PRTFDC1: variants seen among roughly 807,000 people sequenced by gnomAD.
The protein encoded by PRTFDC1 is phosphoribosyl transferase domain containing 1.
In PRTFDC1, 38 loss-of-function variants were observed where a neutral mutation model predicts 34.6. The observed-to-expected ratio is 1.10, with a 90% CI of 0.85 to 1.44. The LOEUF is 1.44. PRTFDC1 is among the 40% of genes most tolerant of loss of function. The pLI, the probability that PRTFDC1 is intolerant of heterozygous loss-of-function variation, is 0.00. For missense variants in PRTFDC1, 270 were observed against 283.0 expected (o/e 0.95, Z 0.33); for synonymous variants, 93 against 98.1 (o/e 0.95, Z 0.31).
chr10:24,942,062 CATTGTT>C (rs1849167067), intron 2 of PRTFDC1, among the ~76,000 whole-genome samples: 1 of 152,172 alleles, frequency 6.6e-6, no homozygotes, highest in African/African-American at 2.4e-5. Flanking sequence ...CATCTTAGGA[CATTGTT>C]ATTTTGAGGC....
intron 1 of PRTFDC1, among the ~76,000 whole-genome samples, chr10:24,947,273 C>T (rs182718141): frequency 4.7e-4 from 71 of 152,230 alleles, no homozygotes; most frequent in African/African-American, 1.6e-3. Context: ...CGATTCAAGA[C>T]GATGGAAATA....
intron 3 of PRTFDC1, among the ~76,000 whole-genome samples, chr10:24,916,115 C>G (rs1848691433): frequency 6.6e-6 from 1 of 152,158 alleles, no homozygotes; most frequent in Admixed American, 6.5e-5. Context: ...AGAAACCTTA[C>G]AGCCATGTCA....
intron 3 of PRTFDC1, among the ~76,000 whole-genome samples, chr10:24,934,062 G>T (rs1849009764): frequency 6.6e-6 from 1 of 152,090 alleles, no homozygotes; most frequent in African/African-American, 2.4e-5. Flanking sequence ...CAAGGGAAGT[G>T]AAGTCATAAG....
intron 5 of PRTFDC1, among the ~76,000 whole-genome samples, chr10:24,857,572 G>A (rs951581419): frequency 3.3e-5 from 5 of 152,172 alleles, no homozygotes; most frequent in African/African-American, 7.2e-5. Flanking sequence ...GGGCAGCGGC[G>A]ATTTATTGTC....
intron 1 of PRTFDC1, among the ~76,000 whole-genome samples, chr10:24,947,108 C>A (rs1849262815): frequency 6.6e-6 from 1 of 152,164 alleles, no homozygotes; most frequent in Non-Finnish European, 1.5e-5. Flanking sequence ...TCACTGCCCT[C>A]CAGCCTGGGT....
intron 3 of PRTFDC1, among the ~76,000 whole-genome samples, chr10:24,872,804 A>T (rs373234970): frequency 1.7e-4 from 20 of 119,436 alleles, no homozygotes; most frequent in East Asian, 9.6e-4. Flanking sequence ...ATATATATAT[A>T]TATTTTTTTT....
intron 3 of PRTFDC1, among the ~76,000 whole-genome samples, chr10:24,926,179 C>T (rs989960086): frequency 2.0e-4 from 30 of 152,178 alleles, no homozygotes; most frequent in African/African-American, 7.0e-4. Context: ...CCAGCTAACC[C>T]CTCTGGCCTC....
rs112417073 is a variant in PRTFDC1, at chr10:24,895,328, T to C, written c.340-23265A>G. On this transcript the variant is annotated intron_variant, in intron 3 of 8. Transcript: ENST00000320152. ...GTGCAATGGCATGATCTTGGCTCAC[T>C]GCAACCTCTGCCCCCTGGGTTCAAG... Among the ~76,000 whole-genome samples the C allele has an allele frequency of 5.5e-3, 749 of 136,362 alleles. 6 individuals are homozygous for C. Among genetic ancestry groups the C allele is most frequent in the African/African-American group, 0.018 (694 of 37,666 alleles). The allele number at this position is 136,362 out of a possible 152,430, so 89.5% of individuals were successfully genotyped here.
intron 3 of PRTFDC1, among the ~76,000 whole-genome samples, chr10:24,874,685 G>A (rs1244912215): frequency 6.6e-6 from 1 of 152,154 alleles, no homozygotes; most frequent in East Asian, 1.9e-4. Flanking sequence ...TACCAAGCAA[G>A]TGTTACTTAA....
intron 3 of PRTFDC1, among the ~76,000 whole-genome samples, chr10:24,872,303 G>C (rs1847884355): frequency 6.6e-6 from 1 of 152,130 alleles, no homozygotes; most frequent in African/African-American, 2.4e-5. Context: ...GTGGGAGAGA[G>C]GAGAGAGGAC....
chr10:24,867,352 C>T (rs963331802), intron 4 of PRTFDC1, among the ~76,000 whole-genome samples: 5 of 152,150 alleles, frequency 3.3e-5, no homozygotes, highest in Non-Finnish European at 1.5e-5. Flanking sequence ...CTGCAGGCTC[C>T]GCCTACCCCG....
intron 3 of PRTFDC1, among the ~76,000 whole-genome samples, chr10:24,907,161 A>G (rs889150976): frequency 2.0e-5 from 3 of 152,018 alleles, no homozygotes; most frequent in Non-Finnish European, 4.4e-5. Flanking sequence ...GCACTGAGCT[A>G]TGATCGCACC....
chr10:24,913,637 C>T (rs1848657704), intron 3 of PRTFDC1, among the ~76,000 whole-genome samples: 1 of 152,174 alleles, frequency 6.6e-6, no homozygotes, highest in African/African-American at 2.4e-5. Flanking sequence ...TCAAGTTAAT[C>T]TCAGTGATTT....
intron 3 of PRTFDC1, chr10:24,908,281 A>G: frequency 1.8e-6 from 1 of 557,012 alleles, no homozygotes; most frequent in South Asian, 2.9e-5. Context: ...TACGGAATAA[A>G]GAACTAGAAG....
Position 24,941,062 on chromosome 10 carries a change from T to TGTGTGTGTGTGTG in PRTFDC1, c.155+1267_155+1268insCACACACACACAC, listed in dbSNP as rs1564320103. On this transcript the variant is annotated intron_variant, in intron 2 of 8. Coordinates refer to ENST00000320152, the MANE Select transcript of PRTFDC1 (RefSeq NM_020200.7). Reference sequence around the variant, plus strand: ...TGTGTGTGTGTGTGTGTGTGTGTGTTTGTGTGTTTGAGACAAGGTCTCGCT... The same window carrying TGTGTGTGTGTGTG: ...TGTGTGTGTGTGTGTGTGTGTGTGTTGTGTGTGTGTGTGTGTGTGTTTGAGACAAGGTCTCGCT... 3.2e-4 allele frequency among the ~76,000 whole-genome samples: 46 copies of TGTGTGTGTGTGTG among 145,224 alleles called. No individual in the cohort carries two copies. In the South Asian group the frequency reaches 4.6e-3, roughly 15 times the overall value.
chr10:24,950,805 T>C (rs1023870554), intron 1 of PRTFDC1, among the ~76,000 whole-genome samples: 1 of 152,168 alleles, frequency 6.6e-6, no homozygotes, highest in East Asian at 1.9e-4. Flanking sequence ...GCTTTAATTG[T>C]TTTTTCCATA....
rs1185715444 is a variant in PRTFDC1 at position 24,849,135 on chromosome 10, TA to T, written c.*708del. 1 of 152,442 alleles carries T rather than the reference TA, an allele frequency of 6.6e-6. No homozygotes were observed. The highest frequency in any genetic ancestry group is 2.4e-5 in the African/African-American group (1 of 41,454). The allele number at this position is 152,442 out of a possible 1,614,324, so 9.4% of individuals were successfully genotyped here. On this transcript the variant is annotated 3_prime_UTR_variant, in exon 9 of 9. Transcript: ENST00000320152. ...TGCTGCTATTGTATTTTTTTCTAAT[TA>T]AAATTCAGAGTATTAAACACAGTTG...
At chr10:24,929,052 A>AAAAAAAAAAAG (rs1554765607) in intron 3 of PRTFDC1, among the ~76,000 whole-genome samples, 2 of 116,508 alleles carry the variant, frequency 1.7e-5, no homozygotes, top group Non-Finnish European at 3.4e-5. Flanking sequence ...AAAAAAAAAA[A>AAAAAAAAAAAG]AAAGAAAGAA....
intron 3 of PRTFDC1, among the ~76,000 whole-genome samples, chr10:24,883,818 C>CTTTT (rs71399940): frequency 1.0e-4 from 10 of 96,580 alleles, no homozygotes; most frequent in Admixed American, 3.5e-4. Flanking sequence ...CTTAAGAGAC[C>CTTTT]TTTTTTTTTT....
Sources: gnomAD v4.1 joint callset for allele counts (sites outside exome capture counted in the v4.1 genomes callset) on GRCh38, gnomAD v4.1.1 for gene constraint, MANE v1.5 for transcripts, NCBI Gene and HGNC (gene_info 2026-07-23, HGNC 2026-07-21) for gene names.